TMEM192: variants seen among roughly 807,000 people sequenced by gnomAD.
The protein encoded by TMEM192 is transmembrane protein 192.
Under a neutral mutation model 26.7 loss-of-function variants are expected in TMEM192, and 20 were observed. The observed-to-expected ratio is 0.75, with a 90% confidence interval of 0.53 to 1.09. The LOEUF (loss-of-function observed/expected upper bound fraction) is 1.09. Among genes scored for constraint, TMEM192 ranks in the 50% least tolerant of loss-of-function variants. The probability of loss-of-function intolerance (pLI) is 0.00; values close to 1 mark genes in which losing one functional copy is unlikely to be tolerated. For synonymous variants in TMEM192, 124 were observed against 121.0 expected (o/e 1.02, Z -0.16); for missense variants, 304 against 322.6 (o/e 0.94, Z 0.44).
chr4:165,098,290 A>G (rs1390198485), intron 3 of TMEM192, among the ~76,000 whole-genome samples: 1 of 151,368 alleles, frequency 6.6e-6, no homozygotes, highest in Non-Finnish European at 1.5e-5. Context: ...ACGTTCAGCT[A>G]ATTTTTGTAT....
intron 3 of TMEM192, 71 bp downstream of exon 3, chr4:165,100,557 C>G: frequency 6.0e-6 from 9 of 1,498,288 alleles, no homozygotes; most frequent in Non-Finnish European, 7.2e-6. Context: ...TAAAATCAAA[C>G]TTCATATATT....
At position 165,081,766 on chromosome 4, in the gene TMEM192, C is replaced by T. The variant is rs187712567; in HGVS notation, c.678-1970G>A. Among the ~76,000 whole-genome samples the T allele has an allele frequency of 3.3e-4, 12 of 35,868 alleles. 5 individuals are homozygous for T. Among genetic ancestry groups the T allele is most frequent in the Admixed American group, 7.5e-4 (2 of 2,656 alleles). 23.5% of individuals were successfully genotyped at this position (35,868 alleles called of 152,430 possible). A position where few individuals can be genotyped will look rare whatever the true frequency, so the allele number is the denominator to read the frequency against. On this transcript the variant is annotated intron_variant, in intron 5 of 5. Transcript: ENST00000306480. ...CGGCTCACTGCAACCTCTGCCTCCC[C>T]GGTTCAAGCTATTCTTCTGCCTCAG...
At position 165,074,959 on chromosome 4, in the gene TMEM192, T is replaced by G. The variant is rs534200351; in HGVS notation, c.*4699A>C. ...CTTGAATATACATGTCATAAAAGAT[T>G]TATAAAAGACCATATAATTTGGAAA... On this transcript the variant is annotated 3_prime_UTR_variant, in exon 6 of 6. Coordinates refer to ENST00000306480, the MANE Select transcript of TMEM192 (RefSeq NM_001100389.2). 23 of 152,254 alleles carry G rather than the reference T, an allele frequency of 1.5e-4. No homozygotes were observed. The highest frequency in any genetic ancestry group is 2.4e-4 in the Non-Finnish European group (16 of 68,010). The allele number at this position is 152,254 out of a possible 1,614,324, so 9.4% of individuals were successfully genotyped here.
chr4:165,089,347 G>C (rs1253249903), intron 3 of TMEM192, among the ~76,000 whole-genome samples: 1 of 151,966 alleles, frequency 6.6e-6, no homozygotes, highest in African/African-American at 2.4e-5. Flanking sequence ...TGGAGACGGA[G>C]TCTCACTCTG....
In TMEM192 at chr4:165,079,700, A is replaced by G. The variant is rs770727784; in HGVS notation, c.774T>C (p.Ala258=). 6.2e-7 allele frequency: 1 copy of G among 1,613,902 alleles called. No individual in the cohort carries two copies. The highest frequency in any genetic ancestry group is 1.7e-5 in the Admixed American group (1 of 59,946). ...GACAGCCCAGGTCTGAGGAAGTGAG[A>G]GCCAACAATCGCTTACTCAGCAGCG... is the stretch of plus-strand genomic sequence containing the variant. ...HNALLSKRLL[A]LTSSDLGCQP... Residue 258 remains alanine, a synonymous_variant, in exon 6 of 6, where the codon GCT becomes GCC. Coordinates refer to ENST00000306480, the MANE Select transcript of TMEM192 (RefSeq NM_001100389.2).
At chr4:165,086,634 A>T (rs1480377220) in intron 4 of TMEM192, among the ~76,000 whole-genome samples, 3 of 151,934 alleles carry the variant, frequency 2.0e-5, no homozygotes, top group Non-Finnish European at 4.4e-5. Flanking sequence ...CATGTTGGCC[A>T]GGCTGTTCTC....
chr4:165,103,536 TAGA>T (rs1735095469), intron 1 of TMEM192, among the ~76,000 whole-genome samples: 1 of 76,500 alleles, frequency 1.3e-5, no homozygotes. Context: ...TTTTTTGAGA[TAGA>T]GTTTCACTCT....
intron 4 of TMEM192, 69 bp downstream of exon 4, chr4:165,088,399 A>G (rs1164054359): frequency 5.3e-6 from 8 of 1,510,346 alleles, no homozygotes; most frequent in African/African-American, 2.8e-5. Flanking sequence ...CTAATGGGCT[A>G]TACTTTAAAC....
Position 165,079,428 on chromosome 4 carries a change from A to C in TMEM192, c.*230T>G. 2.3e-6 allele frequency: 1 copy of C among 441,284 alleles called. No individual in the cohort carries two copies. The highest frequency in any genetic ancestry group is 5.1e-5 in the South Asian group (1 of 19,494). 27.3% of individuals were successfully genotyped at this position (441,284 alleles called of 1,614,324 possible). ...GCAGTTAAATAATTTCCAAAAGTAC[A>C]AACAGACATTCCCCTCAAGTTATCC... On this transcript the variant is annotated 3_prime_UTR_variant, in exon 6 of 6. Coordinates refer to ENST00000306480, the MANE Select transcript of TMEM192 (RefSeq NM_001100389.2).
At chr4:165,087,022 G>A (rs1734633785) in intron 4 of TMEM192, among the ~76,000 whole-genome samples, 1 of 152,058 alleles carries the variant, frequency 6.6e-6, no homozygotes, top group Non-Finnish European at 1.5e-5. Context: ...GCTGAGGCAG[G>A]AGAATCGCTT....
intron 3 of TMEM192, among the ~76,000 whole-genome samples, chr4:165,094,688 T>C (rs1167239140): frequency 1.3e-5 from 2 of 151,100 alleles, no homozygotes; most frequent in Non-Finnish European, 3.0e-5. Flanking sequence ...AAAAAGAACA[T>C]TCTAGGCCAG....
rs751615031 is a variant in TMEM192 at position 165,103,095 on chromosome 4, C to T, written c.29G>A (p.Gly10Asp). 1.3e-6 allele frequency: 2 copies of T among 1,597,348 alleles called. No individual in the cohort carries two copies. The highest frequency in any genetic ancestry group is 2.2e-5 in the East Asian group (1 of 44,630). Reference protein sequence around the residue: MAAGGRMEDGSLDITQSIED... With the variant: MAAGGRMEDDSLDITQSIED... Reference sequence around the variant, plus strand: ...AATACTCTGGGTGATATCCAAGGAACCCTGGGGTGCAGAAAAACAAGCAAC... The same window carrying T: ...AATACTCTGGGTGATATCCAAGGAATCCTGGGGTGCAGAAAAACAAGCAAC... The change falls in exon 2 of 6, where the codon GGT becomes GAT. Residue 10 changes from glycine to aspartate, a missense_variant and splice_region_variant. Physicochemically the swap from Gly to Asp is moderately conservative, Grantham distance 94 (BLOSUM62 -1). Transcript: ENST00000306480.
rs1220163848 is a variant in TMEM192 at position 165,102,944 on chromosome 4, A to G, written c.174+6T>C. On this transcript the variant is annotated splice_donor_region_variant and intron_variant, in intron 2 of 5. Transcript: ENST00000306480. ...TGGATAGGTCCCCTTCTTGCAGCCAACTTACATGAATAAACCACAGAAGAT... is the reference window on the plus strand; with the variant it reads ...TGGATAGGTCCCCTTCTTGCAGCCAGCTTACATGAATAAACCACAGAAGAT... 5.0e-6 allele frequency: 8 copies of G among 1,608,134 alleles called. No individual in the cohort carries two copies. Among genetic ancestry groups the G allele is most frequent in the Non-Finnish European group, 6.8e-6 (8 of 1,177,520 alleles).
intron 2 of TMEM192, 46 bp from the exon 3 acceptor site, chr4:165,100,938 T>G: frequency 6.6e-7 from 1 of 1,512,810 alleles, no homozygotes; most frequent in East Asian, 2.4e-5. Context: ...TATTTGTAAT[T>G]AGGAAGCAAT....
At chr4:165,089,216 C>T (rs1734697200) in intron 3 of TMEM192, among the ~76,000 whole-genome samples, 2 of 152,062 alleles carry the variant, frequency 1.3e-5, no homozygotes, top group Non-Finnish European at 2.9e-5. Context: ...TATTCAGGTT[C>T]TTCTCGGCCT....
chr4:165,097,132 T>C (rs1017273838), intron 3 of TMEM192, among the ~76,000 whole-genome samples: 1 of 152,088 alleles, frequency 6.6e-6, no homozygotes, highest in Non-Finnish European at 1.5e-5. Flanking sequence ...CACGCTGATA[T>C]AGCATAGCCC....
intron 1 of TMEM192, among the ~76,000 whole-genome samples, chr4:165,109,492 C>T (rs1735245329): frequency 6.6e-6 from 1 of 152,168 alleles, no homozygotes; most frequent in African/African-American, 2.4e-5. Flanking sequence ...CTCCTGACCA[C>T]AGGCTGGGAT....
chr4:165,088,119 C>T (rs1734668263), intron 4 of TMEM192, among the ~76,000 whole-genome samples: 1 of 152,152 alleles, frequency 6.6e-6, no homozygotes, highest in Admixed American at 6.6e-5. Flanking sequence ...TCATGTTGTC[C>T]AGGCTGGTCT....
At chr4:165,088,076 A>AT (rs1734666891) in intron 4 of TMEM192, among the ~76,000 whole-genome samples, 3 of 151,864 alleles carry the variant, frequency 2.0e-5, no homozygotes, top group Non-Finnish European at 4.4e-5. Flanking sequence ...TACCTGGCTA[A>AT]TTTTTTGTAT....
Sources: allele counts gnomAD v4.1 joint callset (sites outside exome capture counted in the v4.1 genomes callset), GRCh38; gene constraint gnomAD v4.1.1; transcripts MANE v1.5; gene names NCBI Gene and HGNC (gene_info 2026-07-23, HGNC 2026-07-21).